Variants in SGMS1 observed in about 807,000 individuals in gnomAD.
SGMS1 encodes the protein sphingomyelin synthase 1.
Under a neutral mutation model 46.2 loss-of-function variants are expected in SGMS1, and 13 were observed. That is an observed-to-expected ratio of 0.28 (90% CI 0.18 to 0.45). SGMS1 has a LOEUF of 0.45. Among genes scored for constraint, SGMS1 ranks in the 20% least tolerant of loss-of-function variants. The pLI, the probability that SGMS1 is intolerant of heterozygous loss-of-function variation, is 1.00. For missense variants in SGMS1, 324 were observed against 519.9 expected, an observed-to-expected ratio of 0.62 and a Z score of 3.66; for synonymous variants, 203 against 187.8, an observed-to-expected ratio of 1.08 and a Z score of -0.66.
chr10:50,621,906 CAG>C (rs1166066670), intron 1 of SGMS1, among the ~76,000 whole-genome samples: 8 of 152,192 alleles, frequency 5.3e-5, no homozygotes, highest in African/African-American at 1.9e-4. Context: ...CACAGAGATG[CAG>C]AGACTCAAAA....
At chr10:50,546,789 T>C (rs188643603) in intron 2 of SGMS1, among the ~76,000 whole-genome samples, 24 of 152,146 alleles carry the variant, frequency 1.6e-4, no homozygotes, top group African/African-American at 5.8e-4. Flanking sequence ...AGTTAATGGG[T>C]GCAGCACACC....
At chr10:50,572,600 A>G (rs1056557644) in intron 2 of SGMS1, among the ~76,000 whole-genome samples, 6 of 152,102 alleles carry the variant, frequency 3.9e-5, no homozygotes, top group African/African-American at 1.4e-4. Context: ...TTGTACACTG[A>G]GTTTTTGCAT....
intron 6 of SGMS1, among the ~76,000 whole-genome samples, chr10:50,365,118 G>A (rs1191115559): frequency 6.6e-6 from 1 of 151,766 alleles, no homozygotes; most frequent in Admixed American, 6.6e-5. Flanking sequence ...ACAAAAATTA[G>A]CCAGGCATGG....
At chr10:50,570,657 C>A (rs1037861063) in intron 2 of SGMS1, among the ~76,000 whole-genome samples, 2 of 152,172 alleles carry the variant, frequency 1.3e-5, no homozygotes, top group African/African-American at 2.4e-5. Flanking sequence ...GGTAGAGCCA[C>A]GCAAAGTGGC....
chr10:50,431,858 A>G (rs1367755039), intron 6 of SGMS1, among the ~76,000 whole-genome samples: 1 of 152,212 alleles, frequency 6.6e-6, no homozygotes, highest in Non-Finnish European at 1.5e-5. Context: ...CTGATCGCCA[A>G]TACTAGCACT....
Position 50,502,873 on chromosome 10 carries a change from A to C in SGMS1, c.-498+16958T>G, listed in dbSNP as rs184906360. Among the ~76,000 whole-genome samples the C allele has an allele frequency of 2.3e-3, 355 of 152,150 alleles. 5 individuals carry two copies. Among genetic ancestry groups the C allele is most frequent in the Non-Finnish European group, 2.5e-3 (170 of 67,982 alleles). On this transcript the variant is annotated intron_variant, in intron 3 of 10. Coordinates refer to ENST00000361781, the MANE Select transcript of SGMS1 (RefSeq NM_147156.4). ...TGGTCAGAAAATGAACGTATCACCC[A>C]AAAAAAATTCTCAGCACAGATCCAA...
At chr10:50,623,003 C>T (rs1413432752) in intron 1 of SGMS1, among the ~76,000 whole-genome samples, 2 of 152,212 alleles carry the variant, frequency 1.3e-5, no homozygotes, top group Admixed American at 6.5e-5. Context: ...GCGCCGATTC[C>T]CCTCCAGGCC....
intron 3 of SGMS1, among the ~76,000 whole-genome samples, chr10:50,467,454 C>G (rs1326452061): frequency 1.3e-5 from 2 of 152,132 alleles, no homozygotes; most frequent in African/African-American, 4.8e-5. Flanking sequence ...ACCCTAAAGG[C>G]TTAAAAATGC....
rs984462582 is a variant in SGMS1 at position 50,560,317 on chromosome 10, TTAA to T, written c.-589+29833_-589+29835del. 6.5e-5 allele frequency among the ~76,000 whole-genome samples: 9 copies of T among 138,852 alleles called. No individual in the cohort carries two copies. In the South Asian group the frequency reaches 6.6e-4, roughly 10 times the overall value. 91.1% of individuals were successfully genotyped at this position (138,852 alleles called of 152,430 possible). ...TAATATATGCATATATTACATATTATTAATATTATATATTATTAATATTATTAA... is the reference window on the plus strand; with the variant it reads ...TAATATATGCATATATTACATATTATTATTATATATTATTAATATTATTAA... On this transcript the variant is annotated intron_variant, in intron 2 of 10. Transcript: ENST00000361781.
In SGMS1 at chr10:50,613,221, C is replaced by G. The variant is rs1838766606; in HGVS notation, c.-684+10486G>C. 2.0e-5 allele frequency among the ~76,000 whole-genome samples: 3 copies of G among 152,350 alleles called. No homozygotes were observed. The South Asian group carries it at 6.2e-4, about 32-fold the overall frequency. ...TATGGTATGGATTCCCTTCTGTGCACTCTGCTGACACAGGGAAACTGGGCA... is the reference window on the plus strand; with the variant it reads ...TATGGTATGGATTCCCTTCTGTGCAGTCTGCTGACACAGGGAAACTGGGCA... On this transcript the variant is annotated intron_variant, in intron 1 of 10. Coordinates refer to ENST00000361781, the MANE Select transcript of SGMS1 (RefSeq NM_147156.4).
intron 6 of SGMS1, among the ~76,000 whole-genome samples, chr10:50,389,267 C>T (rs1280706851): frequency 1.3e-5 from 2 of 152,084 alleles, no homozygotes; most frequent in African/African-American, 4.8e-5. Context: ...TTATAGTTTA[C>T]CTTAAAACTA....
chr10:50,330,333 AC>A (rs1327206346), intron 7 of SGMS1, among the ~76,000 whole-genome samples: 1 of 133,502 alleles, frequency 7.5e-6, no homozygotes, highest in Non-Finnish European at 1.8e-5. Flanking sequence ...AAACAAAAAA[AC>A]ATTAGCTGGA....
At chr10:50,606,426 T>C (rs1329255474) in intron 1 of SGMS1, among the ~76,000 whole-genome samples, 1 of 152,242 alleles carries the variant, frequency 6.6e-6, no homozygotes, top group African/African-American at 2.4e-5. Flanking sequence ...AGGTACTTAA[T>C]GCCACTGAAC....
intron 3 of SGMS1, among the ~76,000 whole-genome samples, chr10:50,508,710 G>A (rs1294829748): frequency 1.3e-5 from 2 of 152,270 alleles, no homozygotes; most frequent in African/African-American, 4.8e-5. Flanking sequence ...TTTTGGACCA[G>A]GCTCTGACCT....
At chr10:50,475,197 G>C (rs1187515299) in intron 3 of SGMS1, among the ~76,000 whole-genome samples, 1 of 152,176 alleles carries the variant, frequency 6.6e-6, no homozygotes, top group Non-Finnish European at 1.5e-5. Flanking sequence ...GTAGAGATAT[G>C]ATTGATATCT....
chr10:50,410,226 T>C (rs1168274521), intron 6 of SGMS1, among the ~76,000 whole-genome samples: 1 of 152,154 alleles, frequency 6.6e-6, no homozygotes, highest in Admixed American at 6.5e-5. Context: ...ATAAAAAAGA[T>C]AATAATATTA....
chr10:50,388,845 A>G (rs187812280), intron 6 of SGMS1, among the ~76,000 whole-genome samples: 6 of 152,336 alleles, frequency 3.9e-5, no homozygotes, highest in Non-Finnish European at 7.4e-5. Context: ...CAGTTCTTAG[A>G]TAGGAATGAT....
At chr10:50,382,364 G>GATAT (rs1183333574) in intron 6 of SGMS1, among the ~76,000 whole-genome samples, 2 of 152,122 alleles carry the variant, frequency 1.3e-5, no homozygotes, top group Non-Finnish European at 2.9e-5. Context: ...CTATATCACA[G>GATAT]ATATATATTC....
intron 8 of SGMS1, among the ~76,000 whole-genome samples, chr10:50,315,484 A>T (rs1311926618): frequency 1.3e-5 from 2 of 152,240 alleles, no homozygotes; most frequent in Non-Finnish European, 2.9e-5. Context: ...AGAAAAGAAA[A>T]GAACAAAATG....
Sources: gnomAD v4.1 joint callset for allele counts (sites outside exome capture counted in the v4.1 genomes callset) on GRCh38, gnomAD v4.1.1 for gene constraint, MANE v1.5 for transcripts, NCBI Gene and HGNC (gene_info 2026-07-23, HGNC 2026-07-21) for gene names.